The following ATP10B variants were observed in gnomAD, a reference collection of about 807,000 sequenced individuals.
The protein encoded by ATP10B is ATPase phospholipid transporting 10B (putative), also known as phospholipid-transporting ATPase VB.
A neutral mutation model predicts 141.2 loss-of-function variants in ATP10B; 122 were observed. The observed-to-expected ratio is 0.86, with a 90% CI of 0.75 to 1.00. The LOEUF is 1.00. Among genes scored for constraint, ATP10B ranks in the 50% least tolerant of loss-of-function variants. ATP10B has a pLI of 0.00. For synonymous variants in ATP10B, 685 were observed against 692.0 expected (o/e 0.99, Z 0.16); for missense variants, 1,876 against 1,825.3 (o/e 1.03, Z -0.51).
At chr5:160,679,224 G>A (rs1035953092) in intron 6 of ATP10B, among the ~76,000 whole-genome samples, 2 of 152,312 alleles carry the variant, frequency 1.3e-5, no homozygotes, top group East Asian at 1.9e-4. Context: ...GGCCAGGCTA[G>A]GCCCTCGGTG....
chr5:160,622,862 C>T (rs1758427239), intron 13 of ATP10B, among the ~76,000 whole-genome samples: 1 of 152,202 alleles, frequency 6.6e-6, no homozygotes, highest in Non-Finnish European at 1.5e-5. Context: ...CCCTCTACCC[C>T]TCAATCCTGA....
intron 2 of ATP10B, among the ~76,000 whole-genome samples, chr5:160,740,810 T>G (rs974634683): frequency 6.6e-6 from 1 of 152,204 alleles, no homozygotes; most frequent in Non-Finnish European, 1.5e-5. Context: ...ACTTGGGCAT[T>G]GCAAACAGTA....
chr5:160,602,986 T>C (rs1197866921), intron 20 of ATP10B: 1 of 303,814 alleles, frequency 3.3e-6, no homozygotes, highest in Non-Finnish European at 6.4e-6. Context: ...GCCCAGTAAG[T>C]GTCAGGCACC....
At chr5:160,839,556 CA>C (rs1223148105) in intron 1 of ATP10B, among the ~76,000 whole-genome samples, 1 of 151,860 alleles carries the variant, frequency 6.6e-6, no homozygotes, top group African/African-American at 2.4e-5. Flanking sequence ...AAAGGAAAAG[CA>C]AAGGAACATC....
Position 160,704,914 on chromosome 5 carries a change from C to CTTTTTTTTTTTTTTTTTTTTTTTTTT in ATP10B, c.-205+11994_-205+11995insAAAAAAAAAAAAAAAAAAAAAAAAAA, listed in dbSNP as rs1170629163. Among the ~76,000 whole-genome samples, 261 of 83,628 alleles carry CTTTTTTTTTTTTTTTTTTTTTTTTTT rather than the reference C, an allele frequency of 3.1e-3. 12 individuals are homozygous for CTTTTTTTTTTTTTTTTTTTTTTTTTT. The highest frequency in any genetic ancestry group is 4.8e-3 in the African/African-American group (83 of 17,228). 54.9% of individuals were successfully genotyped at this position (83,628 alleles called of 152,430 possible). On this transcript the variant is annotated intron_variant, in intron 3 of 25. Transcript: ENST00000327245. Reference sequence around the variant, plus strand: ...TGCTAGCTTCCAACATTTCTTTCATCTTTTTTTTTTTTTTTTTTTTTGTTG... The same window carrying CTTTTTTTTTTTTTTTTTTTTTTTTTT: ...TGCTAGCTTCCAACATTTCTTTCATCTTTTTTTTTTTTTTTTTTTTTTTTTTTTTTTTTTTTTTTTTTTTTTTGTTG...
At chr5:160,705,374 G>A (rs764468641) in intron 3 of ATP10B, among the ~76,000 whole-genome samples, 3 of 152,030 alleles carry the variant, frequency 2.0e-5, no homozygotes, top group South Asian at 2.1e-4. Context: ...GGTGCAGGCC[G>A]CCATGCCTGG....
At chr5:160,891,016 TG>T in the ATP10B span, among the ~76,000 whole-genome samples, 1 of 152,146 alleles carries the variant, frequency 6.6e-6, no homozygotes, top group South Asian at 2.1e-4. Flanking sequence ...TGTGTGTGTG[TG>T]TGTATGTATG....
intron 1 of ATP10B, among the ~76,000 whole-genome samples, chr5:160,812,112 G>A (rs1443443374): frequency 1.3e-5 from 2 of 151,976 alleles, no homozygotes; most frequent in African/African-American, 4.8e-5. Flanking sequence ...AAGACAACAA[G>A]AGTTTCTGCC....
At position 160,602,597 on chromosome 5, in the gene ATP10B, A is replaced by G; in HGVS notation, c.3343T>C (p.Tyr1115His). Reference protein sequence around the residue: ...CYSRLARMVVYYLYKNVCYVN... With the variant: ...CYSRLARMVVHYLYKNVCYVN... ...CTTACCACGTTCTTGTAGAGGTAGT[A>G]CACCACCATCCTGGCCAGGCGCGAG... is the stretch of plus-strand genomic sequence containing the variant. Residue 1115 changes from tyrosine (Y) to histidine (H), a missense_variant, in exon 21 of 26, where the codon TAC becomes CAC. Physicochemically the swap from Tyr to His is moderately conservative, Grantham distance 83. Coordinates refer to ENST00000327245, the MANE Select transcript of ATP10B (RefSeq NM_025153.3). 2 of 1,613,958 alleles carry G rather than the reference A, an allele frequency of 1.2e-6. No homozygotes were observed. The highest frequency in any genetic ancestry group is 2.7e-5 in the African/African-American group (2 of 75,056).
the ATP10B span, among the ~76,000 whole-genome samples, chr5:160,893,951 G>C: frequency 2.0e-5 from 3 of 152,228 alleles, no homozygotes; most frequent in East Asian, 5.8e-4. Flanking sequence ...CAGCAGAGGG[G>C]GCTGACTCTT....
In ATP10B at chr5:160,818,342, T is replaced by C. The variant is rs543655409; in HGVS notation, c.-575-32539A>G. Among the ~76,000 whole-genome samples the C allele has an allele frequency of 5.3e-5, 8 of 152,234 alleles. No individual in the cohort carries two copies. The East Asian group carries it at 7.7e-4, about 15-fold the overall frequency. On this transcript the variant is annotated intron_variant, in intron 1 of 25. Transcript: ENST00000327245. ...ACCCCATCAAAAAGTGGGCAAAGGATATGAACAGACACTTCTCAAAAGAAG... is the reference window on the plus strand; with the variant it reads ...ACCCCATCAAAAAGTGGGCAAAGGACATGAACAGACACTTCTCAAAAGAAG...
chr5:160,838,322 TA>T (rs919059159), intron 1 of ATP10B, among the ~76,000 whole-genome samples: 1 of 152,178 alleles, frequency 6.6e-6, no homozygotes, highest in African/African-American at 2.4e-5. Flanking sequence ...GAAAAACATG[TA>T]GATGTAACTT....
intron 1 of ATP10B, among the ~76,000 whole-genome samples, chr5:160,800,911 G>C (rs1379234598): frequency 1.3e-5 from 2 of 152,170 alleles, no homozygotes; most frequent in African/African-American, 2.4e-5. Context: ...AGCCCTGCAG[G>C]GCCCTTCCAC....
At chr5:160,813,024 G>A (rs1244375342) in intron 1 of ATP10B, among the ~76,000 whole-genome samples, 2 of 152,196 alleles carry the variant, frequency 1.3e-5, no homozygotes, top group African/African-American at 4.8e-5. Flanking sequence ...TGGCCAAATA[G>A]GAACAGCTCC....
At chr5:160,891,324 A>G in the ATP10B span, among the ~76,000 whole-genome samples, 1 of 152,116 alleles carries the variant, frequency 6.6e-6, no homozygotes, top group South Asian at 2.1e-4. Context: ...TCAGAATCCC[A>G]TCAGTATGTG....
intron 1 of ATP10B, among the ~76,000 whole-genome samples, chr5:160,824,447 A>G (rs984366549): frequency 2.0e-5 from 3 of 152,244 alleles, no homozygotes; most frequent in Non-Finnish European, 2.9e-5. Context: ...GAGGCATGCC[A>G]GAGAAGGTCA....
intron 2 of ATP10B, among the ~76,000 whole-genome samples, chr5:160,728,294 CAT>C (rs1184330927): frequency 7.9e-5 from 12 of 152,126 alleles, no homozygotes; most frequent in Non-Finnish European, 1.3e-4. Context: ...TAGCCACAGA[CAT>C]GTGTGTGGCT....
intron 2 of ATP10B, among the ~76,000 whole-genome samples, chr5:160,718,126 C>T (rs1765767840): frequency 6.6e-6 from 1 of 152,226 alleles, no homozygotes; most frequent in South Asian, 2.1e-4. Context: ...GGTCTTGCCT[C>T]TGCAGGGCAG....
intron 25 of ATP10B, among the ~76,000 whole-genome samples, chr5:160,566,106 A>G (rs563224053): frequency 6.6e-6 from 1 of 152,238 alleles, no homozygotes; most frequent in South Asian, 2.1e-4. Context: ...TTTATTATAC[A>G]CCAGGACTAT....
Sources: gnomAD v4.1 joint callset for allele counts (sites outside exome capture counted in the v4.1 genomes callset) on GRCh38, gnomAD v4.1.1 for gene constraint, MANE v1.5 for transcripts, NCBI Gene and HGNC (gene_info 2026-07-23, HGNC 2026-07-21) for gene names.